PCDHGB3: variants seen among roughly 807,000 people sequenced by gnomAD.
PCDHGB3 encodes protocadherin gamma-B3.
PCDHGB3 carries 40 observed loss-of-function variants against 59.2 expected under a neutral mutation model. The ratio of observed to expected loss-of-function variants is 0.68; its 90% CI spans 0.52 to 0.88. PCDHGB3 has a LOEUF of 0.88. Ranked by LOEUF, PCDHGB3 falls within the 40% of genes least tolerant of loss-of-function variation. The pLI, the probability that PCDHGB3 is intolerant of heterozygous loss-of-function variation, is 0.00. For synonymous variants in PCDHGB3, 581 were observed against 503.6 expected, an observed-to-expected ratio of 1.15 and a Z score of -2.06; for missense variants, 1,309 against 1,187.9, an observed-to-expected ratio of 1.10 and a Z score of -1.50.
chr5:141,430,577 C>A, intron 1 of PCDHGB3: 1 of 464,652 alleles, frequency 2.2e-6, no homozygotes. Context: ...AAGCGGAGAT[C>A]CTGCTCGCCT....
At chr5:141,399,376 A>T in intron 1 of PCDHGB3, 1 of 1,613,956 alleles carries the variant, frequency 6.2e-7, no homozygotes, top group Non-Finnish European at 8.5e-7. Context: ...GTACAATGTC[A>T]CCATCACAGC....
In PCDHGB3 at chr5:141,388,566, A is replaced by T. The variant is rs145399301; in HGVS notation, c.2415+15757A>T. ...TCCACCCCTAAGCAGCACTGCACAGATACACGTTCTAGTGACTGATGCCAA... is the reference window on the plus strand; with the variant it reads ...TCCACCCCTAAGCAGCACTGCACAGTTACACGTTCTAGTGACTGATGCCAA... On this transcript the variant is annotated intron_variant, in intron 1 of 3. Transcript: ENST00000576222. 134 of 1,613,852 alleles carry T rather than the reference A, an allele frequency of 8.3e-5. No homozygotes were observed. The East Asian group carries it at 2.4e-3, about 29-fold the overall frequency.
chr5:141,422,151 G>A (rs763343536), intron 1 of PCDHGB3: 1 of 1,575,938 alleles, frequency 6.3e-7, no homozygotes, highest in Admixed American at 2.0e-5. Flanking sequence ...GGGGGTCTCT[G>A]GATTTTGAAA....
chr5:141,445,075 A>G (rs1251499929), intron 1 of PCDHGB3, among the ~76,000 whole-genome samples: 1 of 152,170 alleles, frequency 6.6e-6, no homozygotes, highest in East Asian at 1.9e-4. Context: ...TTCTCATTAA[A>G]TTGTCCCTAC....
chr5:141,504,752 A>G (rs1194764381), intron 2 of PCDHGB3, among the ~76,000 whole-genome samples: 23 of 151,894 alleles, frequency 1.5e-4, no homozygotes, highest in Non-Finnish European at 3.2e-4. Flanking sequence ...TGAATTTTAG[A>G]AATTTCTTCT....
intron 1 of PCDHGB3, chr5:141,415,846 G>A: frequency 3.2e-6 from 4 of 1,240,536 alleles, no homozygotes; most frequent in Non-Finnish European, 4.2e-6. Flanking sequence ...TAGCTTTGCA[G>A]AACCTTGTAG....
intron 1 of PCDHGB3, chr5:141,422,645 T>C: frequency 6.2e-7 from 1 of 1,612,232 alleles, no homozygotes; most frequent in Non-Finnish European, 8.5e-7. Flanking sequence ...GCCTCCATCT[T>C]CTCAGTGACC....
chr5:141,497,412 A>G (rs963440048), intron 2 of PCDHGB3, among the ~76,000 whole-genome samples: 13 of 151,982 alleles, frequency 8.6e-5, no homozygotes, highest in African/African-American at 3.1e-4. Flanking sequence ...CTCCCATTCC[A>G]TCAAATGAGA....
Position 141,485,449 on chromosome 5 carries a change from A to G in PCDHGB3, c.2416-9358A>G, listed in dbSNP as rs2099613844. 6.2e-7 allele frequency: 1 copy of G among 1,614,054 alleles called. No homozygotes were observed. The highest frequency in any genetic ancestry group is 2.2e-5 in the East Asian group (1 of 44,876). On this transcript the variant is annotated intron_variant, in intron 1 of 3. Coordinates refer to ENST00000576222, the MANE Select transcript of PCDHGB3 (RefSeq NM_018924.5). The surrounding 1 kb of genome is among the most constrained non-coding windows in gnomAD (Gnocchi z 5.7). ...TGCTCATCAAGAACCCAATCGACCG[A>G]GAGGCACTGTGTGGGCTCAGTGCCA...
intron 1 of PCDHGB3, among the ~76,000 whole-genome samples, chr5:141,464,370 T>C (rs1239284694): frequency 6.6e-6 from 1 of 151,828 alleles, no homozygotes. Context: ...CCAATATTTT[T>C]GCAATATAAA....
chr5:141,427,111 C>G (rs1324091636), intron 1 of PCDHGB3: 7 of 457,560 alleles, frequency 1.5e-5, no homozygotes, highest in South Asian at 1.1e-4. Context: ...GCGGAGATCA[C>G]CTACTCTTTC....
At chr5:141,422,463 C>T in intron 1 of PCDHGB3, 1 of 1,613,472 alleles carries the variant, frequency 6.2e-7, no homozygotes, top group African/African-American at 1.3e-5. Context: ...GAGTGCTGGA[C>T]AGGGAGTTGG....
chr5:141,417,632 C>T (rs1395400349), intron 1 of PCDHGB3: 3 of 714,288 alleles, frequency 4.2e-6, no homozygotes, highest in Non-Finnish European at 6.5e-6. Context: ...GCGCTGACGC[C>T]GGGGATCCCT....
At chr5:141,413,822 T>G in intron 1 of PCDHGB3, 1 of 1,613,216 alleles carries the variant, frequency 6.2e-7, no homozygotes, top group Non-Finnish European at 8.5e-7. Context: ...CACCTGGTCC[T>G]CACCGCCTCC....
intron 1 of PCDHGB3, chr5:141,399,841 G>C: frequency 6.2e-7 from 1 of 1,613,086 alleles, no homozygotes; most frequent in Non-Finnish European, 8.5e-7. Context: ...TGCGCTCTTC[G>C]ATATGGTGCC....
intron 1 of PCDHGB3, chr5:141,375,643 C>A (rs1443985601): frequency 6.2e-7 from 1 of 1,614,210 alleles, no homozygotes; most frequent in Non-Finnish European, 8.5e-7. Context: ...TGCGCTCCTT[C>A]GACTATGAGC....
At chr5:141,385,096 G>C (rs746092295) in intron 1 of PCDHGB3, 2 of 1,614,072 alleles carry the variant, frequency 1.2e-6, no homozygotes, top group South Asian at 2.2e-5. Context: ...AGGTGGCTTG[G>C]CGAACGTGCC....
chr5:141,423,546 G>A, intron 1 of PCDHGB3: 1 of 1,613,708 alleles, frequency 6.2e-7, no homozygotes, highest in Non-Finnish European at 8.5e-7. Flanking sequence ...TTTTCCCCCA[G>A]CCCAACTATG....
intron 1 of PCDHGB3, chr5:141,409,901 C>T (rs1157563397): frequency 6.2e-7 from 1 of 1,613,264 alleles, no homozygotes; most frequent in East Asian, 2.2e-5. Flanking sequence ...GTACCCAGCT[C>T]TGGGTCCTGA....
Sources: gnomAD v4.1 joint callset for allele counts (sites outside exome capture counted in the v4.1 genomes callset) on GRCh38, gnomAD v4.1.1 for gene constraint, Gnocchi (gnomAD v3.1) non-coding constraint, MANE v1.5 for transcripts, NCBI Gene and HGNC (gene_info 2026-07-23, HGNC 2026-07-21) for gene names.